The following LDB3 variants were observed in gnomAD, a reference collection of about 807,000 sequenced individuals.
LDB3 encodes the protein LIM domain-binding protein 3.
In LDB3, 49 loss-of-function variants were observed where a neutral mutation model predicts 69.0. That is an observed-to-expected ratio of 0.71 (90% CI 0.56 to 0.90). LDB3 has a LOEUF of 0.90. LDB3 is among the 40% of genes least tolerant of loss of function. The pLI is 0.00. For synonymous variants in LDB3, 387 were observed against 396.2 expected, an observed-to-expected ratio of 0.98 and a Z score of 0.28; for missense variants, 928 against 974.1, an observed-to-expected ratio of 0.95 and a Z score of 0.63.
chr10:86,697,532 T>C (rs997314279), intron 7 of LDB3, among the ~76,000 whole-genome samples: 2 of 149,014 alleles, frequency 1.3e-5, no homozygotes, highest in Non-Finnish European at 3.0e-5. Flanking sequence ...ACTTCTTTTT[T>C]TTCTTTTTCT....
At position 86,733,022 on chromosome 10, in the gene LDB3, T is replaced by C; in HGVS notation, c.*46T>C. The C allele has an allele frequency of 7.3e-7, 1 of 1,367,952 alleles. No homozygotes were observed. Among genetic ancestry groups the C allele is most frequent in the Non-Finnish European group, 1.0e-6 (1 of 964,998 alleles). The allele number at this position is 1,367,952 out of a possible 1,614,324, so 84.7% of individuals were successfully genotyped here. A position where few individuals can be genotyped will look rare whatever the true frequency, so the allele number is the denominator to read the frequency against. Reference sequence around the variant, plus strand: ...TGACGAGGCCCGGAGCTGCTCCTGCTGCTGGCAACAAAGGATTCGGGAGGC... The same window carrying C: ...TGACGAGGCCCGGAGCTGCTCCTGCCGCTGGCAACAAAGGATTCGGGAGGC... On this transcript the variant is annotated 3_prime_UTR_variant, in exon 14 of 14. Transcript: ENST00000361373.
chr10:86,720,570 G>A (rs1040883820), intron 12 of LDB3, among the ~76,000 whole-genome samples: 4 of 152,278 alleles, frequency 2.6e-5, no homozygotes, highest in Middle Eastern at 3.4e-3. Context: ...TTCTATATCT[G>A]TAAAAGGGAG....
chr10:86,707,502 A>T (rs1846487171), intron 8 of LDB3, among the ~76,000 whole-genome samples: 1 of 152,096 alleles, frequency 6.6e-6, no homozygotes, highest in Non-Finnish European at 1.5e-5. Flanking sequence ...GAAGGCAGAG[A>T]GGCCAGGCTG....
At position 86,672,510 on chromosome 10, in the gene LDB3, C is replaced by T. The variant is rs372715565; in HGVS notation, c.93+3726C>T. ...CTGGAATTTCGGGGCCGCTGGAGCA[C>T]GCAGTGCTGTTTCTTGGGCAGCTCT... On this transcript the variant is annotated intron_variant, in intron 2 of 13. Transcript: ENST00000361373. Among the ~76,000 whole-genome samples the T allele has an allele frequency of 8.5e-5, 13 of 152,362 alleles. No homozygotes were observed. The East Asian group carries it at 2.3e-3, about 27-fold the overall frequency.
At chr10:86,705,236 G>A (rs1242723685) in intron 7 of LDB3, among the ~76,000 whole-genome samples, 1 of 152,136 alleles carries the variant, frequency 6.6e-6, no homozygotes, top group Non-Finnish European at 1.5e-5. Context: ...AGGACCTTGA[G>A]CAACTGAATT....
chr10:86,696,545 G>A (rs532596494), intron 7 of LDB3, among the ~76,000 whole-genome samples: 8 of 152,234 alleles, frequency 5.3e-5, no homozygotes, highest in African/African-American at 1.9e-4. Flanking sequence ...AGTAGAGCAT[G>A]CTCACTAGAT....
At chr10:86,685,338 G>A (rs940016963) in intron 5 of LDB3, among the ~76,000 whole-genome samples, 2 of 152,190 alleles carry the variant, frequency 1.3e-5, no homozygotes, top group East Asian at 3.8e-4. Context: ...CTTCCACTCT[G>A]GGGTCTATAG....
At chr10:86,671,020 G>A (rs1326910306) in intron 2 of LDB3, among the ~76,000 whole-genome samples, 7 of 152,192 alleles carry the variant, frequency 4.6e-5, no homozygotes, top group Admixed American at 1.3e-4. Flanking sequence ...ATCCCCCTAC[G>A]GGGGAGGCAT....
intron 9 of LDB3, among the ~76,000 whole-genome samples, chr10:86,711,145 G>A (rs889890793): frequency 2.6e-5 from 4 of 152,346 alleles, no homozygotes; most frequent in Middle Eastern, 6.8e-3. Context: ...AGTTGGAGGA[G>A]AAGCGGCGGG....
rs547898480 is a variant in LDB3 at position 86,703,229 on chromosome 10, A to T, written c.897-3302A>T. 2.0e-5 allele frequency among the ~76,000 whole-genome samples: 3 copies of T among 152,286 alleles called. No individual in the cohort carries two copies. In the South Asian group the frequency reaches 6.2e-4, roughly 32 times the overall value. On this transcript the variant is annotated intron_variant, in intron 7 of 13. Transcript: ENST00000361373. ...TGGTGTAGGGCCATGGAGAGCAGAT[A>T]AAGGAGATCAGTGTTCTGTGTCAGC...
intron 9 of LDB3, among the ~76,000 whole-genome samples, chr10:86,710,755 C>T (rs1846617083): frequency 1.3e-5 from 2 of 152,250 alleles, no homozygotes; most frequent in Admixed American, 1.3e-4. Flanking sequence ...TCAGGGCAGG[C>T]CTTGCTTCGG....
chr10:86,670,560 C>T (rs1342030103), intron 2 of LDB3, among the ~76,000 whole-genome samples: 3 of 152,172 alleles, frequency 2.0e-5, no homozygotes. Context: ...AGCCAATGAC[C>T]TCACCCAGGG....
At chr10:86,675,215 G>A (rs367639830) in intron 2 of LDB3, among the ~76,000 whole-genome samples, 1 of 152,188 alleles carries the variant, frequency 6.6e-6, no homozygotes, top group Non-Finnish European at 1.5e-5. Context: ...GGATGAGGGA[G>A]AGCCAGGCAG....
chr10:86,681,168 C>G (rs931365704), intron 4 of LDB3, among the ~76,000 whole-genome samples: 15 of 152,254 alleles, frequency 9.9e-5, no homozygotes, highest in African/African-American at 3.1e-4. Context: ...TTCCTCGGGC[C>G]CTGGGGGCAG....
rs531423785 is a variant in LDB3 at position 86,733,109 on chromosome 10, A to C, written c.*133A>C. The C allele has an allele frequency of 4.2e-6, 3 of 721,356 alleles. No individual in the cohort carries two copies. The highest frequency in any genetic ancestry group is 1.6e-5 in the South Asian group (1 of 64,198). The allele number at this position is 721,356 out of a possible 1,614,324, so 44.7% of individuals were successfully genotyped here. The stretch of plus-strand genomic sequence containing the variant: ...AGCGACTGAGCCCTTTGGAAGTATA[A>C]TTTTAGGTTTTTTCTTCTGTACACA... On this transcript the variant is annotated 3_prime_UTR_variant, in exon 14 of 14. Coordinates refer to ENST00000361373, the MANE Select transcript of LDB3 (RefSeq NM_007078.3).
chr10:86,711,478 C>T (rs546074119), intron 9 of LDB3, among the ~76,000 whole-genome samples: 2 of 152,036 alleles, frequency 1.3e-5, no homozygotes, highest in South Asian at 4.1e-4. Flanking sequence ...CCTCCCTCTC[C>T]GGGAGGCCCG....
intron 12 of LDB3, among the ~76,000 whole-genome samples, chr10:86,722,768 C>T (rs1441340275): frequency 1.3e-5 from 2 of 150,840 alleles, no homozygotes; most frequent in Non-Finnish European, 2.9e-5. Context: ...GGGATTTCAC[C>T]ATCTTGGCCA....
At chr10:86,729,435 C>T (rs1847381922) in intron 13 of LDB3, among the ~76,000 whole-genome samples, 1 of 152,198 alleles carries the variant, frequency 6.6e-6, no homozygotes, top group African/African-American at 2.4e-5. Flanking sequence ...TTGCCCTTCC[C>T]CACTGGTGTG....
Position 86,687,191 on chromosome 10 carries a change from C to A in LDB3, c.690-4705C>A, listed in dbSNP as rs778658354. Reference sequence around the variant, plus strand: ...ACCATCATCCATGCGCAGTACAACACGCCCATCAGCATGTATTCCCAGGAT... The same window carrying A: ...ACCATCATCCATGCGCAGTACAACAAGCCCATCAGCATGTATTCCCAGGAT... On this transcript the variant is annotated intron_variant, in intron 5 of 13. Transcript: ENST00000361373. 5.0e-6 allele frequency: 8 copies of A among 1,614,226 alleles called. No individual in the cohort carries two copies. The South Asian group carries it at 8.8e-5, about 18-fold the overall frequency.
Sources: gnomAD v4.1 joint callset for allele counts (sites outside exome capture counted in the v4.1 genomes callset) on GRCh38, gnomAD v4.1.1 for gene constraint, MANE v1.5 for transcripts, NCBI Gene and HGNC (gene_info 2026-07-23, HGNC 2026-07-21) for gene names.